Variants in CADM2 observed in about 807,000 individuals in gnomAD.
CADM2 encodes cell adhesion molecule 2.
In CADM2, 12 loss-of-function variants were observed where a neutral mutation model predicts 49.8. The observed-to-expected ratio is 0.24, with a 90% CI of 0.15 to 0.39. The LOEUF (loss-of-function observed/expected upper bound fraction) is 0.39. CADM2 is among the 10% of genes least tolerant of loss of function. The pLI, the probability that CADM2 is intolerant of heterozygous loss-of-function variation, is 1.00. For missense variants in CADM2, 378 were observed against 492.3 expected (o/e 0.77, Z 2.20); for synonymous variants, 214 against 175.4 (o/e 1.22, Z -1.74).
At chr3:86,060,711 C>T (rs1372302758) in intron 8 of CADM2, among the ~76,000 whole-genome samples, 4 of 151,998 alleles carry the variant, frequency 2.6e-5, no homozygotes, top group Admixed American at 6.6e-5. Flanking sequence ...TGGCCGGATG[C>T]GGTGACTCAC....
chr3:85,352,802 T>G (rs887964031), intron 1 of CADM2, among the ~76,000 whole-genome samples: 3 of 152,146 alleles, frequency 2.0e-5, no homozygotes, highest in African/African-American at 7.2e-5. Flanking sequence ...TTCAAATGAT[T>G]TTTTAGTCTT....
chr3:85,337,793 T>C (rs2045130063), intron 1 of CADM2, among the ~76,000 whole-genome samples: 1 of 151,524 alleles, frequency 6.6e-6, no homozygotes, highest in Non-Finnish European at 1.5e-5. Context: ...TACTATAAAA[T>C]TTTCATTTTC....
At chr3:85,659,537 A>C (rs191467727) in intron 1 of CADM2, among the ~76,000 whole-genome samples, 266 of 152,278 alleles carry the variant, frequency 1.7e-3, no homozygotes, top group Non-Finnish European at 3.1e-3. Flanking sequence ...ACAAGGGGGA[A>C]CATTGTCTCA....
chr3:85,124,484 A>T (rs2038964186), intron 1 of CADM2, among the ~76,000 whole-genome samples: 1 of 151,912 alleles, frequency 6.6e-6, no homozygotes, highest in South Asian at 2.1e-4. Context: ...GCATGCCTGT[A>T]GTCCCAGCTA....
intron 1 of CADM2, among the ~76,000 whole-genome samples, chr3:84,986,287 C>T (rs535197281): frequency 6.6e-6 from 1 of 152,128 alleles, no homozygotes; most frequent in South Asian, 2.1e-4. Flanking sequence ...TAGTTGTCCT[C>T]TTGCGATTAA....
At chr3:85,272,939 T>A (rs1277823980) in intron 1 of CADM2, among the ~76,000 whole-genome samples, 2 of 151,166 alleles carry the variant, frequency 1.3e-5, no homozygotes, top group Non-Finnish European at 3.0e-5. Flanking sequence ...TTTTTTCTCA[T>A]AAGTGTATAA....
intron 1 of CADM2, among the ~76,000 whole-genome samples, chr3:85,262,348 G>A (rs2043031260): frequency 6.6e-6 from 1 of 151,902 alleles, no homozygotes; most frequent in Non-Finnish European, 1.5e-5. Flanking sequence ...TTTATGATAT[G>A]CCTTTTCTGA....
At chr3:85,262,067 G>A (rs1396422324) in intron 1 of CADM2, among the ~76,000 whole-genome samples, 2 of 151,886 alleles carry the variant, frequency 1.3e-5, no homozygotes, top group Non-Finnish European at 2.9e-5. Flanking sequence ...GGTAACTTAA[G>A]GAACTTCTGA....
intron 1 of CADM2, among the ~76,000 whole-genome samples, chr3:85,645,788 A>G (rs565029605): frequency 1.0e-4 from 13 of 130,210 alleles, no homozygotes; most frequent in African/African-American, 3.1e-4. Context: ...ATTGGCCTAA[A>G]AATATATTCA....
intron 1 of CADM2, among the ~76,000 whole-genome samples, chr3:85,690,016 T>TCCCATGCAAAGGGTCAATGCAG (rs2066334122): frequency 6.6e-6 from 1 of 152,126 alleles, no homozygotes; most frequent in Non-Finnish European, 1.5e-5. Flanking sequence ...GACCTTGAGG[T>TCCCATGCAAAGGGTCAATGCAG]CCCATGCAAA....
intron 1 of CADM2, among the ~76,000 whole-genome samples, chr3:85,721,003 G>T (rs1187721000): frequency 1.3e-5 from 2 of 152,062 alleles, no homozygotes; most frequent in Admixed American, 6.6e-5. Context: ...ACATTTCGAC[G>T]CAGTAGATTT....
At chr3:85,002,977 T>G (rs1186098100) in intron 1 of CADM2, among the ~76,000 whole-genome samples, 1 of 151,994 alleles carries the variant, frequency 6.6e-6, no homozygotes, top group Admixed American at 6.6e-5. Context: ...TTTTTCATAA[T>G]AGAGATGGGG....
intron 1 of CADM2, among the ~76,000 whole-genome samples, chr3:85,345,030 A>G (rs1406660704): frequency 6.6e-6 from 1 of 152,128 alleles, no homozygotes; most frequent in African/African-American, 2.4e-5. Flanking sequence ...TTTGTCAGAA[A>G]TATCTCTGAA....
chr3:84,995,034 A>T (rs1372582459), intron 1 of CADM2, among the ~76,000 whole-genome samples: 2 of 152,154 alleles, frequency 1.3e-5, no homozygotes, highest in Non-Finnish European at 2.9e-5. Flanking sequence ...TGTCTCAAAA[A>T]ATAAATAAAT....
chr3:85,079,918 A>T (rs189806837), intron 1 of CADM2, among the ~76,000 whole-genome samples: 101 of 152,056 alleles, frequency 6.6e-4, no homozygotes, highest in African/African-American at 2.3e-3. Flanking sequence ...AGAAGGAAGG[A>T]TGATGAAGGA....
At chr3:85,465,019 C>G (rs1444599063) in intron 1 of CADM2, among the ~76,000 whole-genome samples, 5 of 152,194 alleles carry the variant, frequency 3.3e-5, no homozygotes, top group Non-Finnish European at 7.4e-5. Context: ...CGTGGTGGCA[C>G]ACGCCTATAG....
intron 1 of CADM2, among the ~76,000 whole-genome samples, chr3:85,444,466 C>CAT (rs1273328510): frequency 6.6e-6 from 1 of 151,694 alleles, no homozygotes; most frequent in Non-Finnish European, 1.5e-5. Context: ...CACACACACA[C>CAT]ACCCTTGCCC....
chr3:85,763,154 T>C (rs1054121466), intron 2 of CADM2, among the ~76,000 whole-genome samples: 1 of 152,172 alleles, frequency 6.6e-6, no homozygotes, highest in Non-Finnish European at 1.5e-5. Flanking sequence ...ATCATTGCAA[T>C]ACTCTGCTGA....
chr3:85,983,992 T>A (rs992727668), intron 8 of CADM2, among the ~76,000 whole-genome samples: 1 of 150,386 alleles, frequency 6.6e-6, no homozygotes, highest in African/African-American at 2.4e-5. Context: ...ATTATATATA[T>A]ACATATGTGT....
Sources: gnomAD v4.1 joint callset for allele counts (sites outside exome capture counted in the v4.1 genomes callset) on GRCh38, gnomAD v4.1.1 for gene constraint, MANE v1.5 for transcripts, NCBI Gene and HGNC (gene_info 2026-07-23, HGNC 2026-07-21) for gene names.